Variants in ESYT1 observed in about 807,000 individuals in gnomAD.
ESYT1 encodes the protein extended synaptotagmin-1.
In ESYT1, 116 loss-of-function variants were observed where a neutral mutation model predicts 154.2. The observed-to-expected ratio is 0.75, with a 90% CI of 0.65 to 0.88. The LOEUF is 0.88. ESYT1 is among the 40% of genes least tolerant of loss of function. The pLI is 0.00. For synonymous variants in ESYT1, 500 were observed against 539.9 expected, an observed-to-expected ratio of 0.93 and a Z score of 1.02; for missense variants, 1,264 against 1,379.3, an observed-to-expected ratio of 0.92 and a Z score of 1.32.
Position 56,128,398 on chromosome 12 carries a change from C to T in ESYT1, c.79C>T (p.Pro27Ser), listed in dbSNP as rs1025615418. ...TGCTCCCTCCGACCCCACTGACCAG[C>T]CCCCCGCTGCTCACGCAAAGCCAGA... ...PSAPSDPTDQ[P>S]PAAHAKPDPG... Residue 27 changes from proline (P) to serine (S), a missense_variant, in exon 1 of 31, where the codon CCC (proline) becomes TCC (serine). Pro to Ser is a moderately conservative substitution (Grantham distance 74). Coordinates refer to ENST00000394048, the MANE Select transcript of ESYT1 (RefSeq NM_015292.3). 2 of 1,611,050 alleles carry T rather than the reference C, an allele frequency of 1.2e-6. No homozygotes were observed. The highest frequency in any genetic ancestry group is 1.7e-6 in the Non-Finnish European group (2 of 1,178,574).
chr12:56,134,271 T>C lies in ESYT1; in HGVS notation c.1546-71T>C, dbSNP rs1870358315. The C allele has an allele frequency of 8.1e-6, 13 of 1,595,142 alleles. No individual in the cohort carries two copies. The South Asian group carries it at 1.3e-4, about 16-fold the overall frequency. Reference sequence around the variant, plus strand: ...TTTCCCCTTTAGAATGCCTGTTACATGCAGGGGTTTTCTGCAGAAACAGGA... The same window carrying C: ...TTTCCCCTTTAGAATGCCTGTTACACGCAGGGGTTTTCTGCAGAAACAGGA... On this transcript the variant is annotated intron_variant, in intron 14 of 30. Transcript: ENST00000394048.
intron 1 of ESYT1, among the ~76,000 whole-genome samples, chr12:56,130,162 C>T (rs1333025062): frequency 2.0e-5 from 3 of 152,280 alleles, no homozygotes; most frequent in African/African-American, 4.8e-5. Context: ...CCGCCGGCCT[C>T]GGCCTCCCAA....
intron 15 of ESYT1, among the ~76,000 whole-genome samples, chr12:56,136,498 G>A (rs1366628470): frequency 6.6e-6 from 1 of 151,744 alleles, no homozygotes; most frequent in Admixed American, 6.6e-5. Flanking sequence ...GGCTGAGGTA[G>A]GAGAATGGGT....
chr12:56,134,423 G>A lies in ESYT1; in HGVS notation c.1627G>A (p.Val543Met). 6.2e-7 allele frequency: 1 copy of A among 1,613,988 alleles called. No individual in the cohort carries two copies. The highest frequency in any genetic ancestry group is 8.5e-7 in the Non-Finnish European group (1 of 1,179,898). ...AGACCCTCAAAGCCAGGAGCTCGATGTGCAAGTGAGATAATCACCTCTTCA... is the reference window on the plus strand; with the variant it reads ...AGACCCTCAAAGCCAGGAGCTCGATATGCAAGTGAGATAATCACCTCTTCA... ...LQDPQSQELD[V>M]QVKDDSRALT... The change falls in exon 15 of 31, where the codon GTG becomes ATG. Residue 543 changes from valine (V) to methionine (M), a missense_variant. By Grantham distance (21) the Val-to-Met change is conservative. Coordinates refer to ENST00000394048, the MANE Select transcript of ESYT1 (RefSeq NM_015292.3).
At chr12:56,133,011 C>G (rs1317512635) in intron 10 of ESYT1, among the ~76,000 whole-genome samples, 1 of 151,752 alleles carries the variant, frequency 6.6e-6, no homozygotes, top group Admixed American at 6.6e-5. Flanking sequence ...CCCAGCTACT[C>G]GGGAGGCTGA....
intron 24 of ESYT1, among the ~76,000 whole-genome samples, chr12:56,139,430 C>T (rs1870600241): frequency 2.6e-5 from 4 of 151,250 alleles, no homozygotes; most frequent in Admixed American, 2.6e-4. Context: ...GACTTCTTAT[C>T]TTTATGGAGC....
intron 14 of ESYT1, 22 bp downstream of exon 14, chr12:56,134,203 T>C (rs1565873949): frequency 6.2e-6 from 10 of 1,611,706 alleles, no homozygotes; most frequent in Non-Finnish European, 8.5e-6. Flanking sequence ...GACATCATTG[T>C]GGGTGGCCAG....
chr12:56,137,603 G>C lies in ESYT1; in HGVS notation c.2043G>C (p.Lys681Asn), dbSNP rs778671563. 5.0e-6 allele frequency: 8 copies of C among 1,614,058 alleles called. No homozygotes were observed. The highest frequency in any genetic ancestry group is 1.7e-5 in the Admixed American group (1 of 60,000). ...KGKSDPYVKL[K>N]LAGRSFRSHV... ...AGTCAGACCCCTATGTCAAACTAAA[G>C]TTGGCAGGACGAAGCTTCCGGAGCC... Residue 681 changes from lysine to asparagine, a missense_variant, in exon 18 of 31, where the codon AAG becomes AAC. Coordinates refer to ENST00000394048, the MANE Select transcript of ESYT1 (RefSeq NM_015292.3).
chr12:56,138,212 C>T lies in ESYT1; in HGVS notation c.2277C>T (p.Gly759=). The T allele has an allele frequency of 6.2e-7, 1 of 1,614,180 alleles. No homozygotes were observed. The highest frequency in any genetic ancestry group is 1.6e-4 in the Middle Eastern group (1 of 6,062). ...TGACCCTGGAGGATGTCCCATCTGG[C>T]CGCCTGCACTTGCGCCTGGAGCGTC... ...EWLTLEDVPS[G]RLHLRLERLT... The change falls in exon 21 of 31, where the codon GGC becomes GGT. Residue 759 remains glycine, a synonymous_variant. Coordinates refer to ENST00000394048, the MANE Select transcript of ESYT1 (RefSeq NM_015292.3).
rs1870221432 is a variant in ESYT1, at chr12:56,131,225, CTT to C, written c.642-18_642-17del. On this transcript the variant is annotated splice_polypyrimidine_tract_variant and intron_variant, in intron 4 of 30. Transcript: ENST00000394048. The stretch of plus-strand genomic sequence containing the variant: ...GCCAAGGACTAACTCTCTTGGTTCT[CTT>C]CTTCACCAATCCCCAGCTATGTAGG... 6.8e-6 allele frequency: 11 copies of C among 1,614,198 alleles called. No individual in the cohort carries two copies. The highest frequency in any genetic ancestry group is 7.6e-6 in the Non-Finnish European group (9 of 1,180,018).
At chr12:56,140,848 T>C (rs1410433097) in intron 24 of ESYT1, among the ~76,000 whole-genome samples, 1 of 152,138 alleles carries the variant, frequency 6.6e-6, no homozygotes, top group African/African-American at 2.4e-5. Flanking sequence ...TGCTGTGATA[T>C]GGAGCAGGTG....
chr12:56,132,076 A>T (rs1870257820), intron 7 of ESYT1, 133 bp from the exon 8 acceptor site: 1 of 1,374,472 alleles, frequency 7.3e-7, no homozygotes, highest in Non-Finnish European at 1.0e-6. Context: ...AGGGTAGAAG[A>T]GTAGCACAAA....
In ESYT1 at chr12:56,133,685, TG is replaced by T. The variant is rs1565873738; in HGVS notation, c.1380+14del. 6.2e-7 allele frequency: 1 copy of T among 1,614,084 alleles called. No individual in the cohort carries two copies. The highest frequency in any genetic ancestry group is 1.1e-5 in the South Asian group (1 of 91,082). On this transcript the variant is annotated intron_variant, in intron 12 of 30. Transcript: ENST00000394048. ...GAGAAACTGGAGCAGGTAAGCCACA[TG>T]GGAAATAGGAAGCTGGCAGGGGAGA...
At chr12:56,143,170 T>G (rs778040825) in intron 28 of ESYT1, 22 bp downstream of exon 28, 1 of 1,613,986 alleles carries the variant, frequency 6.2e-7, no homozygotes, top group Non-Finnish European at 8.5e-7. Context: ...GGCATTCAGG[T>G]GGAGAGATGG....
chr12:56,137,519 A>G lies in ESYT1; in HGVS notation c.1959A>G (p.Val653=). 6.2e-7 allele frequency: 1 copy of G among 1,613,754 alleles called. No homozygotes were observed. Among genetic ancestry groups the G allele is most frequent in the Non-Finnish European group, 8.5e-7 (1 of 1,179,792 alleles). ...TGCAGCATGTGCTTCGGATCCATGT[A>G]TTAGAGGCCCAGGACCTGATTGCCA... The part of the protein sequence containing the change: ...FGTEHVLRIH[V]LEAQDLIAKD... Residue 653 remains valine, a synonymous_variant, in exon 18 of 31, where the codon GTA becomes GTG. Transcript: ENST00000394048.
chr12:56,130,454 C>G, intron 1 of ESYT1, 128 bp from the exon 2 acceptor site: 2 of 1,153,050 alleles, frequency 1.7e-6, no homozygotes, highest in South Asian at 2.5e-5. Flanking sequence ...ATCCTCGCCC[C>G]TCGCCCACCC....
intron 3 of ESYT1, 55 bp downstream of exon 3, chr12:56,130,980 G>A (rs531274355): frequency 6.2e-7 from 1 of 1,614,020 alleles, no homozygotes; most frequent in African/African-American, 1.3e-5. Flanking sequence ...GAGTGGCCCG[G>A]AGTAGACTCA....
Position 56,144,034 on chromosome 12 carries a change from T to TA in ESYT1, c.*173dup. ...TTTGCCTGACCAAAGAGAAGAACCG[T>TA]ATGTTCCCTTTACTGCACGGCCTTT... is the stretch of plus-strand genomic sequence containing the variant. On this transcript the variant is annotated 3_prime_UTR_variant, in exon 31 of 31. Coordinates refer to ENST00000394048, the MANE Select transcript of ESYT1 (RefSeq NM_015292.3). The TA allele has an allele frequency of 6.8e-7, 1 of 1,472,086 alleles. No homozygotes were observed. The highest frequency in any genetic ancestry group is 9.0e-7 in the Non-Finnish European group (1 of 1,116,984). 91.2% of individuals were successfully genotyped at this position (1,472,086 alleles called of 1,614,324 possible). A position where few individuals can be genotyped will look rare whatever the true frequency, so the allele number is the denominator to read the frequency against.
chr12:56,142,667 G>A lies in ESYT1; in HGVS notation c.2823G>A (p.Ser941=), dbSNP rs747347285. 28 of 1,613,842 alleles carry A rather than the reference G, an allele frequency of 1.7e-5. No individual in the cohort carries two copies. The Admixed American group carries it at 2.0e-4, about 12-fold the overall frequency. ...CGCTGAGTGAAGAACCAGAGCTCTC[G>A]GGGGGACCCCCTCACATCACCTCCT... ...SSSLSEEPEL[S]GGPPHITSSA... Residue 941 remains serine, a synonymous_variant, in exon 26 of 31, where the codon TCG becomes TCA. Coordinates refer to ENST00000394048, the MANE Select transcript of ESYT1 (RefSeq NM_015292.3). This position sits in a 1 kb window ranked among gnomAD's most constrained non-coding sequence, Gnocchi z 4.1.
Sources: gnomAD v4.1 joint callset for allele counts (sites outside exome capture counted in the v4.1 genomes callset) on GRCh38, gnomAD v4.1.1 for gene constraint, Gnocchi (gnomAD v3.1) non-coding constraint, MANE v1.5 for transcripts, NCBI Gene and HGNC (gene_info 2026-07-23, HGNC 2026-07-21) for gene names.